Variants in PRKCA observed in about 807,000 individuals in gnomAD.
PRKCA encodes protein kinase C alpha type.
PRKCA carries 27 observed loss-of-function variants against 87.0 expected under a neutral mutation model. The observed-to-expected ratio is 0.31, with a 90% CI of 0.23 to 0.43. The LOEUF is 0.43. Ranked by LOEUF, PRKCA falls within the 20% of genes least tolerant of loss-of-function variation. The pLI is 1.00. For missense variants in PRKCA, 518 were observed against 852.3 expected (o/e 0.61, Z 4.88); for synonymous variants, 329 against 311.1 (o/e 1.06, Z -0.61).
intron 3 of PRKCA, among the ~76,000 whole-genome samples, chr17:66,502,283 G>A (rs1051868354): frequency 2.6e-5 from 4 of 151,032 alleles, no homozygotes; most frequent in Admixed American, 2.6e-4. Flanking sequence ...TTCCCAGGCT[G>A]GAGTGCAGTG....
At chr17:66,354,771 G>C (rs1371502742) in intron 2 of PRKCA, among the ~76,000 whole-genome samples, 1 of 152,156 alleles carries the variant, frequency 6.6e-6, no homozygotes, top group Non-Finnish European at 1.5e-5. Context: ...ATTAAAAGAT[G>C]ATATTGCCTT....
At position 66,732,836 on chromosome 17, in the gene PRKCA, A is replaced by G; in HGVS notation, c.1056+11A>G. 6.2e-7 allele frequency: 1 copy of G among 1,607,530 alleles called. No individual in the cohort carries two copies. The highest frequency in any genetic ancestry group is 1.7e-5 in the Admixed American group (1 of 57,766). On this transcript the variant is annotated intron_variant, in intron 9 of 16. Coordinates refer to ENST00000413366, the MANE Select transcript of PRKCA (RefSeq NM_002737.3). ...GGGAGTTTTGGAAAGGTAAGAGGAC[A>G]GTCGTCTGCAAATTGCAGGGGCTTC...
chr17:66,788,886 G>A lies in PRKCA; in HGVS notation c.1761G>A (p.Gly587=), dbSNP rs746815468. ...AGCGGCTGGGCTGTGGGCCTGAGGGGGAGAGGGACGTGAGAGAGCATGCCT... is the reference window on the plus strand; with the variant it reads ...AGCGGCTGGGCTGTGGGCCTGAGGGAGAGAGGGACGTGAGAGAGCATGCCT... ...PAKRLGCGPE[G]ERDVREHAFF... is the part of the protein sequence containing the mutation. The change falls in exon 16 of 17, where the codon GGG becomes GGA. Residue 587 remains glycine, a synonymous_variant. Transcript: ENST00000413366. 5.0e-6 allele frequency: 8 copies of A among 1,614,144 alleles called. No individual in the cohort carries two copies. The highest frequency in any genetic ancestry group is 1.6e-4 in the Middle Eastern group (1 of 6,062).
At chr17:66,515,641 C>T (rs9908811) in intron 3 of PRKCA, among the ~76,000 whole-genome samples, 110 of 152,202 alleles carry the variant, frequency 7.2e-4, no homozygotes, top group African/African-American at 2.5e-3. Context: ...TCTCTGGGCT[C>T]AGGTGATCCT....
chr17:66,765,418 C>CTACA, intron 13 of PRKCA, among the ~76,000 whole-genome samples: 1 of 49,338 alleles, frequency 2.0e-5, no homozygotes, highest in East Asian at 6.2e-4. Context: ...AAGACTTTGT[C>CTACA]TATATATATA....
At chr17:66,445,977 C>A (rs1187373311) in intron 2 of PRKCA, among the ~76,000 whole-genome samples, 1 of 151,938 alleles carries the variant, frequency 6.6e-6, no homozygotes, top group Non-Finnish European at 1.5e-5. Flanking sequence ...CTACACCTGG[C>A]TAATTTTTGT....
chr17:66,404,742 C>CTTTTTTTTTTTTTTTTTTTTTT lies in PRKCA; in HGVS notation c.206-91453_206-91432dup, dbSNP rs773919783. On this transcript the variant is annotated intron_variant, in intron 2 of 16. Coordinates refer to ENST00000413366, the MANE Select transcript of PRKCA (RefSeq NM_002737.3). ...CTGGCTGCTGGAAAGGATGGTAGGC[C>CTTTTTTTTTTTTTTTTTTTTTT]TTTTTTTTTTTTTTTTTTTTTTTTT... Among the ~76,000 whole-genome samples, 2 of 54,246 alleles carry CTTTTTTTTTTTTTTTTTTTTTT rather than the reference C, an allele frequency of 3.7e-5. 1 individual carries two copies. Among genetic ancestry groups the CTTTTTTTTTTTTTTTTTTTTTT allele is most frequent in the Non-Finnish European group, 6.4e-5 (2 of 31,056 alleles). The allele number at this position is 54,246 out of a possible 152,430, so 35.6% of individuals were successfully genotyped here.
chr17:66,360,066 G>A (rs1299761805), intron 2 of PRKCA, among the ~76,000 whole-genome samples: 1 of 152,182 alleles, frequency 6.6e-6, no homozygotes, highest in Non-Finnish European at 1.5e-5. Flanking sequence ...TAATTTATAT[G>A]TAGAATTAGG....
intron 2 of PRKCA, among the ~76,000 whole-genome samples, chr17:66,449,855 TTTG>T (rs1351350788): frequency 1.3e-5 from 2 of 152,106 alleles, no homozygotes; most frequent in Non-Finnish European, 1.5e-5. Context: ...AGGCAGCTTT[TTTG>T]TTGTTGTTTT....
chr17:66,576,770 G>A (rs186296511), intron 3 of PRKCA, among the ~76,000 whole-genome samples: 87 of 152,124 alleles, frequency 5.7e-4, no homozygotes, highest in Non-Finnish European at 4.6e-4. Flanking sequence ...GAGCATTCAC[G>A]ATGTTCTTTT....
intron 3 of PRKCA, among the ~76,000 whole-genome samples, chr17:66,512,503 TC>T (rs11301755): frequency 1 from 151,331 of 151,332 alleles, 75,665 homozygotes; most frequent in Non-Finnish European, 1. Flanking sequence ...TTTCTTTCTT[TC>T]CCTTGGTCCA....
intron 2 of PRKCA, among the ~76,000 whole-genome samples, chr17:66,381,096 C>A (rs11079655): frequency 6.6e-6 from 1 of 151,992 alleles, no homozygotes; most frequent in East Asian, 1.9e-4. Flanking sequence ...CAAGCCACCA[C>A]GCCCAGCTAA....
rs1212663329 is a variant in PRKCA, at chr17:66,555,729, A to AT, written c.288+59446_288+59447insT. On this transcript the variant is annotated intron_variant, in intron 3 of 16. Coordinates refer to ENST00000413366, the MANE Select transcript of PRKCA (RefSeq NM_002737.3). ...CCTTTGGATTGCAGGTTTAAAAAAA[A>AT]ATTTTTTTTTTATTGCTGAGACTTC... Among the ~76,000 whole-genome samples, 93 of 143,724 alleles carry AT rather than the reference A, an allele frequency of 6.5e-4. No homozygotes were observed. In the East Asian group the frequency reaches 0.015, roughly 24 times the overall value. The allele number at this position is 143,724 out of a possible 152,430, so 94.3% of individuals were successfully genotyped here. A position where few individuals can be genotyped will look rare whatever the true frequency, so the allele number is the denominator to read the frequency against.
At position 66,808,505 on chromosome 17, in the gene PRKCA, G is replaced by A. The variant is rs149016155; in HGVS notation, c.*4468G>A. The A allele has an allele frequency of 3.3e-5, 5 of 152,372 alleles. No individual in the cohort carries two copies. Among genetic ancestry groups the A allele is most frequent in the African/African-American group, 7.2e-5 (3 of 41,434 alleles). The allele number at this position is 152,372 out of a possible 1,614,324, so 9.4% of individuals were successfully genotyped here. Reference sequence around the variant, plus strand: ...ACCATTTCCTGTTTCTTTATAACCCGACAAGGGTAGGAGTGCCTGTTTCCC... The same window carrying A: ...ACCATTTCCTGTTTCTTTATAACCCAACAAGGGTAGGAGTGCCTGTTTCCC... On this transcript the variant is annotated 3_prime_UTR_variant, in exon 17 of 17. Coordinates refer to ENST00000413366, the MANE Select transcript of PRKCA (RefSeq NM_002737.3).
intron 2 of PRKCA, among the ~76,000 whole-genome samples, chr17:66,317,827 C>G (rs189104475): frequency 2.0e-5 from 3 of 152,256 alleles, no homozygotes; most frequent in African/African-American, 7.2e-5. Context: ...TTCATGCATG[C>G]AACTATACAT....
intron 8 of PRKCA, among the ~76,000 whole-genome samples, chr17:66,715,103 C>T (rs1370075070): frequency 6.7e-6 from 1 of 150,242 alleles, no homozygotes; most frequent in Non-Finnish European, 1.5e-5. Flanking sequence ...TCCAGCATTT[C>T]GGGGATAGGA....
At chr17:66,607,884 G>C (rs1168096311) in intron 3 of PRKCA, among the ~76,000 whole-genome samples, 1 of 152,212 alleles carries the variant, frequency 6.6e-6, no homozygotes, top group African/African-American at 2.4e-5. Context: ...GAGGTTAAAA[G>C]TATTCTAAAA....
At chr17:66,314,711 A>G (rs746746514) in intron 2 of PRKCA, among the ~76,000 whole-genome samples, 12 of 152,198 alleles carry the variant, frequency 7.9e-5, no homozygotes, top group African/African-American at 2.4e-4. Context: ...AGCTTCCTCA[A>G]GTTTGAGGGG....
At chr17:66,664,822 G>A (rs1972004240) in intron 5 of PRKCA, among the ~76,000 whole-genome samples, 1 of 151,700 alleles carries the variant, frequency 6.6e-6, no homozygotes, top group Non-Finnish European at 1.5e-5. Flanking sequence ...TTAAATGTTT[G>A]TACAGATAGG....
Sources: gnomAD v4.1 joint callset for allele counts (sites outside exome capture counted in the v4.1 genomes callset) on GRCh38, gnomAD v4.1.1 for gene constraint, MANE v1.5 for transcripts, NCBI Gene and HGNC (gene_info 2026-07-23, HGNC 2026-07-21) for gene names.